ZNF527: variants seen among roughly 807,000 people sequenced by gnomAD.
ZNF527 encodes zinc finger protein 527.
A neutral mutation model predicts 13.5 loss-of-function variants in ZNF527; 5 were observed. The ratio of observed to expected loss-of-function variants is 0.37; its 90% CI spans 0.19 to 0.78. The LOEUF (loss-of-function observed/expected upper bound fraction) is 0.78, where lower values mean the gene tolerates loss of function less well. Among genes scored for constraint, ZNF527 ranks in the 30% least tolerant of loss-of-function variants. The pLI is 0.48. For missense variants in ZNF527, 628 were observed against 726.4 expected (o/e 0.86, Z 1.56); for synonymous variants, 209 against 243.1 (o/e 0.86, Z 1.30).
chr19:37,388,686 C>T lies in ZNF527; in HGVS notation c.637C>T (p.His213Tyr), dbSNP rs183295188. 134 of 1,611,344 alleles carry T rather than the reference C, an allele frequency of 8.3e-5. 1 individual carries two copies. The East Asian group carries it at 2.9e-3, about 34-fold the overall frequency. Residue 213 changes from histidine to tyrosine, a missense_variant, in exon 5 of 5, where the codon CAT becomes TAT. Transcript: ENST00000436120. Reference protein sequence around the residue: ...NSVIIEYKRLHAEKESLIGNE... With the variant: ...NSVIIEYKRLYAEKESLIGNE... ...AGTCATAATTGAATATAAAAGACTC[C>T]ATGCTGAGAAGGAATCTTTGATAGG...
Position 37,389,347 on chromosome 19 carries a change from A to G in ZNF527, c.1298A>G (p.Gln433Arg), listed in dbSNP as rs2146825870. The G allele has an allele frequency of 1.2e-6, 2 of 1,614,220 alleles. No homozygotes were observed. The highest frequency in any genetic ancestry group is 1.7e-6 in the Non-Finnish European group (2 of 1,180,044). ...AGACGCATAGCCCTTACTCTACATC[A>G]AAGAATTCACACAGGAGAGAAACCC... ...FSRRIALTLHQRIHTGEKPFK... is the reference protein window; with the variant it reads ...FSRRIALTLHRRIHTGEKPFK... Residue 433 changes from glutamine to arginine, a missense_variant, in exon 5 of 5, where the codon CAA (glutamine) becomes CGA (arginine). Transcript: ENST00000436120.
At position 37,389,881 on chromosome 19, in the gene ZNF527, T is replaced by A. The variant is rs1236363025; in HGVS notation, c.*2T>A. ...ATTCATAATAGAGAAACGCTCTGAT[T>A]ATAACAAGTATAGGAAAGAAAACAT... On this transcript the variant is annotated 3_prime_UTR_variant, in exon 5 of 5. Coordinates refer to ENST00000436120, the MANE Select transcript of ZNF527 (RefSeq NM_032453.2). The A allele has an allele frequency of 3.8e-6, 6 of 1,570,406 alleles. No individual in the cohort carries two copies. In the East Asian group the frequency reaches 1.3e-4, roughly 35 times the overall value.
intron 2 of ZNF527, among the ~76,000 whole-genome samples, chr19:37,375,290 C>CTTTCT (rs1555826934): frequency 8.9e-6 from 1 of 112,350 alleles, no homozygotes; most frequent in Non-Finnish European, 1.8e-5. Flanking sequence ...TTCTTTCTTT[C>CTTTCT]TTTCTTTCTT....
chr19:37,380,212 A>G, intron 3 of ZNF527, 65 bp from the exon 4 acceptor site: 1 of 1,598,560 alleles, frequency 6.3e-7, no homozygotes, highest in Non-Finnish European at 8.5e-7. Flanking sequence ...CAGCTGTGGC[A>G]TGTTGATTTG....
intron 4 of ZNF527, among the ~76,000 whole-genome samples, chr19:37,381,325 T>G (rs2040651998): frequency 6.6e-6 from 1 of 152,198 alleles, no homozygotes. Context: ...ATCTATCCAC[T>G]TCATCTTCTT....
At chr19:37,375,543 G>A (rs887141999) in intron 2 of ZNF527, among the ~76,000 whole-genome samples, 7 of 151,474 alleles carry the variant, frequency 4.6e-5, no homozygotes, top group African/African-American at 7.3e-5. Context: ...TGTATTTTTA[G>A]TAGAGATGGA....
rs768738658 is a variant in ZNF527 at position 37,389,778 on chromosome 19, G to A, written c.1729G>A (p.Ala577Thr). ...CCTAAGACTACACCAGAGAATTCAC[G>A]CTGGAGAAAAACCTTATAAATGTAA... ...LSLRLHQRIH[A>T]GEKPYKCNEC... Residue 577 changes from alanine (A) to threonine (T), a missense_variant, in exon 5 of 5, where the codon GCT (alanine) becomes ACT (threonine). Ala to Thr is a moderately conservative substitution (Grantham distance 58). Around this residue, in one of 3 missense-constraint regions of ZNF527, gnomAD observed 592 missense variants for 678.0 expected, o/e 0.87. Transcript: ENST00000436120. 10 of 1,613,336 alleles carry A rather than the reference G, an allele frequency of 6.2e-6. No homozygotes were observed. The highest frequency in any genetic ancestry group is 4.0e-5 in the African/African-American group (3 of 74,908).
At chr19:37,371,804 G>A (rs1353132557) in intron 1 of ZNF527, among the ~76,000 whole-genome samples, 1 of 152,100 alleles carries the variant, frequency 6.6e-6, no homozygotes, top group Non-Finnish European at 1.5e-5. Flanking sequence ...TTATGTGGCT[G>A]TGTATTGTGT....
In ZNF527 at chr19:37,374,235, AG is replaced by A; in HGVS notation, c.33+5del. ...GCTTTGTAAAGCCATGTCCCAGGTA[AG>A]CATGCTCTTTCACTTTGTTTTCAGA... On this transcript the variant is annotated splice_donor_5th_base_variant and intron_variant, in intron 2 of 4. Transcript: ENST00000436120. 6.2e-7 allele frequency: 1 copy of A among 1,614,062 alleles called. No homozygotes were observed. Among genetic ancestry groups the A allele is most frequent in the South Asian group, 1.1e-5 (1 of 91,072 alleles).
At position 37,389,621 on chromosome 19, in the gene ZNF527, A is replaced by T. The variant is rs1394444994; in HGVS notation, c.1572A>T (p.Lys524Asn). 6 of 1,614,132 alleles carry T rather than the reference A, an allele frequency of 3.7e-6. No individual in the cohort carries two copies. The South Asian group carries it at 6.6e-5, about 18-fold the overall frequency. Residue 524 changes from lysine to asparagine, a missense_variant, in exon 5 of 5, where the codon AAA (lysine) becomes AAT (asparagine). Around this residue, in one of 3 missense-constraint regions of ZNF527, gnomAD observed 592 missense variants for 678.0 expected, o/e 0.87. Coordinates refer to ENST00000436120, the MANE Select transcript of ZNF527 (RefSeq NM_032453.2). The part of the protein sequence containing the change: ...IHHKRSHAGE[K>N]PYECNKCGKA... ...ATAAGAGAAGTCATGCAGGAGAGAAACCCTATGAATGTAACAAATGTGGAA... is the reference window on the plus strand; with the variant it reads ...ATAAGAGAAGTCATGCAGGAGAGAATCCCTATGAATGTAACAAATGTGGAA...
At position 37,389,889 on chromosome 19, in the gene ZNF527, G is replaced by C; in HGVS notation, c.*10G>C. 3.9e-6 allele frequency: 6 copies of C among 1,551,412 alleles called. No individual in the cohort carries two copies. The highest frequency in any genetic ancestry group is 4.3e-6 in the Non-Finnish European group (5 of 1,155,908). On this transcript the variant is annotated 3_prime_UTR_variant, in exon 5 of 5. Coordinates refer to ENST00000436120, the MANE Select transcript of ZNF527 (RefSeq NM_032453.2). ...TAGAGAAACGCTCTGATTATAACAA[G>C]TATAGGAAAGAAAACATGTGGTTAC...
At position 37,392,890 on chromosome 19, in the gene ZNF527, T is replaced by C. The variant is rs931173338; in HGVS notation, c.*3011T>C. The stretch of plus-strand genomic sequence containing the variant: ...ACAATGAAGTACTAAATTTTGTTTC[T>C]TTTCAACTGTACAACCCATTGTCTT... On this transcript the variant is annotated 3_prime_UTR_variant, in exon 5 of 5. Transcript: ENST00000436120. 6.6e-6 allele frequency: 1 copy of C among 152,248 alleles called. No individual in the cohort carries two copies. The highest frequency in any genetic ancestry group is 1.5e-5 in the Non-Finnish European group (1 of 68,040). The allele number at this position is 152,248 out of a possible 1,614,324, so 9.4% of individuals were successfully genotyped here. A position where few individuals can be genotyped will look rare whatever the true frequency, so the allele number is the denominator to read the frequency against.
Position 37,392,650 on chromosome 19 carries a change from A to G in ZNF527, c.*2771A>G, listed in dbSNP as rs1410421723. The G allele has an allele frequency of 1.3e-5, 2 of 152,138 alleles. No individual in the cohort carries two copies. Among genetic ancestry groups the G allele is most frequent in the African/African-American group, 2.4e-5 (1 of 41,418 alleles). 9.4% of individuals were successfully genotyped at this position (152,138 alleles called of 1,614,324 possible). On this transcript the variant is annotated 3_prime_UTR_variant, in exon 5 of 5. Coordinates refer to ENST00000436120, the MANE Select transcript of ZNF527 (RefSeq NM_032453.2). Reference sequence around the variant, plus strand: ...AGTGATTTGCCCATCTCGGCTTCCCAAAGTGCTGAGATTATAGGGATGAGT... The same window carrying G: ...AGTGATTTGCCCATCTCGGCTTCCCGAAGTGCTGAGATTATAGGGATGAGT...
At chr19:37,375,311 T>TTTCTTTCCTTTCTTTCTTTCTTTC in intron 2 of ZNF527, among the ~76,000 whole-genome samples, 1 of 79,838 alleles carries the variant, frequency 1.3e-5, no homozygotes, top group East Asian at 3.7e-4. Context: ...TCTTTCTTTC[T>TTTCTTTCCTTTCTTTCTTTCTTTC]TTTCTTTCTT....
At chr19:37,377,331 A>T (rs1289425348) in intron 2 of ZNF527, among the ~76,000 whole-genome samples, 1 of 152,188 alleles carries the variant, frequency 6.6e-6, no homozygotes, top group Non-Finnish European at 1.5e-5. Flanking sequence ...TACAGGTATG[A>T]GTACAGATAC....
At chr19:37,376,615 A>G (rs1257094895) in intron 2 of ZNF527, among the ~76,000 whole-genome samples, 2 of 143,276 alleles carry the variant, frequency 1.4e-5, no homozygotes, top group African/African-American at 5.1e-5. Context: ...TGGAGGTTGC[A>G]GTGAGCCAAG....
At chr19:37,387,345 T>C (rs538833680) in intron 4 of ZNF527, among the ~76,000 whole-genome samples, 10 of 152,300 alleles carry the variant, frequency 6.6e-5, no homozygotes, top group Non-Finnish European at 7.4e-5. Flanking sequence ...TGAGTTTTGA[T>C]CTCTTTTTTC....
chr19:37,390,034 CT>C lies in ZNF527; in HGVS notation c.*167del, dbSNP rs33996770. On this transcript the variant is annotated 3_prime_UTR_variant, in exon 5 of 5. Transcript: ENST00000436120. Reference sequence around the variant, plus strand: ...GTAGCTCAGTAGTAGACATCTGTTACTTTTTTTTTTTTCAGACAGAGTCTCG... The same window carrying C: ...GTAGCTCAGTAGTAGACATCTGTTACTTTTTTTTTTTCAGACAGAGTCTCG... 30,797 of 721,672 alleles carry C rather than the reference CT, an allele frequency of 0.043. No individual in the cohort carries two copies. The highest frequency in any genetic ancestry group is 0.057 in the Middle Eastern group (121 of 2,128). 44.7% of individuals were successfully genotyped at this position (721,672 alleles called of 1,614,324 possible).
rs558854031 is a variant in ZNF527 at position 37,388,334 on chromosome 19, A to T, written c.285A>T (p.Glu95Asp). Residue 95 changes from glutamate (E) to aspartate (D), a missense_variant, in exon 5 of 5, where the codon GAA (glutamate) becomes GAT (aspartate). Physicochemically the swap from Glu to Asp is conservative, Grantham distance 45. Around this residue, in one of 3 missense-constraint regions of ZNF527, gnomAD observed 592 missense variants for 678.0 expected, o/e 0.87. Transcript: ENST00000436120. ...ADWESWCEIE[E>D]LSPKWFIDED... ...GGGAGTCTTGGTGTGAAATTGAGGAATTATCTCCAAAATGGTTCATTGATG... is the reference window on the plus strand; with the variant it reads ...GGGAGTCTTGGTGTGAAATTGAGGATTTATCTCCAAAATGGTTCATTGATG... 6 of 1,613,616 alleles carry T rather than the reference A, an allele frequency of 3.7e-6. No individual in the cohort carries two copies. The African/African-American group carries it at 8.0e-5, about 22-fold the overall frequency.
Sources: gnomAD v4.1 joint callset for allele counts (sites outside exome capture counted in the v4.1 genomes callset) on GRCh38, gnomAD v4.1.1 for gene constraint, gnomAD v4.1.1 regional missense constraint, MANE v1.5 for transcripts, NCBI Gene and HGNC (gene_info 2026-07-23, HGNC 2026-07-21) for gene names.